EIF4E: variants seen among roughly 807,000 people sequenced by gnomAD.
EIF4E encodes the protein eukaryotic translation initiation factor 4E, also known as eIF-4F 25 kDa subunit.
For synonymous variants in EIF4E, 71 were observed against 88.5 expected (o/e 0.80, Z 1.11); for missense variants, 113 against 265.6 (o/e 0.43, Z 3.99).
chr4:98,898,518 G>T (rs1030235630), intron 2 of EIF4E, among the ~76,000 whole-genome samples: 11 of 151,118 alleles, frequency 7.3e-5, no homozygotes, highest in Non-Finnish European at 1.2e-4. Context: ...TGAGGCAGAA[G>T]AATCGCTTGA....
chr4:98,896,667 CAAAAAAAAAAAAAAAAAAA>C lies in EIF4E; in HGVS notation c.125+5190_125+5208del, dbSNP rs61329973. On this transcript the variant is annotated intron_variant, in intron 2 of 6. Transcript: ENST00000450253. Reference sequence around the variant, plus strand: ...CGACAGAATGGGACCATGTCTCTTCCAAAAAAAAAAAAAAAAAAAAAAAAAAAAAGCCAGGCATGTTGGT... The same window carrying C: ...CGACAGAATGGGACCATGTCTCTTCCAAAAAAAAAAGCCAGGCATGTTGGT... Among the ~76,000 whole-genome samples, 7 of 47,680 alleles carry C rather than the reference CAAAAAAAAAAAAAAAAAAA, an allele frequency of 1.5e-4. No homozygotes were observed. The Admixed American group carries it at 1.5e-3, about 11-fold the overall frequency. The allele number at this position is 47,680 out of a possible 152,430, so 31.3% of individuals were successfully genotyped here.
At chr4:98,893,530 G>C (rs1436201181) in intron 2 of EIF4E, among the ~76,000 whole-genome samples, 1 of 152,162 alleles carries the variant, frequency 6.6e-6, no homozygotes, top group Non-Finnish European at 1.5e-5. Context: ...ATCTTCACCA[G>C]GAATAGATTC....
intron 2 of EIF4E, among the ~76,000 whole-genome samples, chr4:98,894,859 G>A (rs754125309): frequency 2.0e-5 from 3 of 152,170 alleles, no homozygotes; most frequent in Non-Finnish European, 4.4e-5. Flanking sequence ...CCTCGTAAGC[G>A]TAATCATTTC....
chr4:98,898,581 A>G (rs1560641608), intron 2 of EIF4E, among the ~76,000 whole-genome samples: 1 of 152,078 alleles, frequency 6.6e-6, no homozygotes. Flanking sequence ...CCGAAAAAAA[A>G]AAAAACAGAT....
intron 6 of EIF4E, among the ~76,000 whole-genome samples, chr4:98,884,504 G>A (rs887644100): frequency 6.6e-6 from 1 of 152,150 alleles, no homozygotes; most frequent in Non-Finnish European, 1.5e-5. Context: ...AAAGTTAAAA[G>A]ACCAGCCTGG....
At chr4:98,916,499 C>T (rs1199390910) in intron 1 of EIF4E, among the ~76,000 whole-genome samples, 2 of 151,790 alleles carry the variant, frequency 1.3e-5, no homozygotes, top group Non-Finnish European at 2.9e-5. Flanking sequence ...ACATGAGTGG[C>T]CATATTAAAA....
At chr4:98,915,749 C>T (rs1170009731) in intron 1 of EIF4E, among the ~76,000 whole-genome samples, 3 of 150,702 alleles carry the variant, frequency 2.0e-5, no homozygotes, top group African/African-American at 7.3e-5. Context: ...GCCATGTTGG[C>T]CAGGCTGATC....
chr4:98,924,480 A>G (rs1348449301), intron 1 of EIF4E, among the ~76,000 whole-genome samples: 1 of 152,136 alleles, frequency 6.6e-6, no homozygotes, highest in Non-Finnish European at 1.5e-5. Context: ...CATTTTGCAT[A>G]TTATCCCTCT....
intron 2 of EIF4E, among the ~76,000 whole-genome samples, chr4:98,894,410 G>A (rs1052576204): frequency 6.6e-6 from 1 of 152,220 alleles, no homozygotes; most frequent in Non-Finnish European, 1.5e-5. Context: ...TGTTTTTAGT[G>A]TAAACTTCCT....
At chr4:98,915,433 T>C (rs1276381273) in intron 1 of EIF4E, among the ~76,000 whole-genome samples, 1 of 152,170 alleles carries the variant, frequency 6.6e-6, no homozygotes, top group Non-Finnish European at 1.5e-5. Context: ...ATAACAAAGT[T>C]ATATTAAAGC....
intron 6 of EIF4E, among the ~76,000 whole-genome samples, chr4:98,882,929 C>CAT (rs1340579795): frequency 1.3e-5 from 2 of 151,998 alleles, no homozygotes; most frequent in African/African-American, 4.8e-5. Flanking sequence ...TATGGAACCC[C>CAT]ATATAGCATG....
chr4:98,892,408 G>A (rs1202749887), intron 2 of EIF4E, among the ~76,000 whole-genome samples: 1 of 151,566 alleles, frequency 6.6e-6, no homozygotes, highest in Non-Finnish European at 1.5e-5. Flanking sequence ...GCCAGGCGCG[G>A]TGGCTCAAGC....
At chr4:98,920,615 G>T (rs1725599902) in intron 1 of EIF4E, among the ~76,000 whole-genome samples, 1 of 151,922 alleles carries the variant, frequency 6.6e-6, no homozygotes, top group Non-Finnish European at 1.5e-5. Context: ...AACACTCTAA[G>T]ATAGGGGCTA....
At chr4:98,923,618 T>G (rs1005371964) in intron 1 of EIF4E, among the ~76,000 whole-genome samples, 1 of 152,208 alleles carries the variant, frequency 6.6e-6, no homozygotes, top group South Asian at 2.1e-4. Context: ...GCCCCTTTCT[T>G]TTTCTGGAGA....
At chr4:98,888,015 A>G (rs1723994821) in intron 3 of EIF4E, 63 bp from the exon 4 acceptor site, 5 of 1,293,862 alleles carry the variant, frequency 3.9e-6, no homozygotes, top group Non-Finnish European at 5.5e-6. Context: ...AGGTGCTTAC[A>G]TATATATACA....
intron 1 of EIF4E, among the ~76,000 whole-genome samples, chr4:98,907,492 T>C (rs1351569303): frequency 6.6e-6 from 1 of 152,208 alleles, no homozygotes; most frequent in African/African-American, 2.4e-5. Flanking sequence ...GGCACATTTA[T>C]TCACATACCA....
At chr4:98,922,031 A>G (rs1725663551) in intron 1 of EIF4E, among the ~76,000 whole-genome samples, 1 of 152,198 alleles carries the variant, frequency 6.6e-6, no homozygotes, top group Non-Finnish European at 1.5e-5. Context: ...AAATGCCCAC[A>G]CGTTTTATTT....
chr4:98,888,359 G>A (rs1724010125), intron 3 of EIF4E, among the ~76,000 whole-genome samples: 1 of 151,980 alleles, frequency 6.6e-6, no homozygotes, highest in Non-Finnish European at 1.5e-5. Context: ...AACCAGAAAC[G>A]ATGAACTTCC....
At chr4:98,883,765 A>G (rs1316807827) in intron 6 of EIF4E, among the ~76,000 whole-genome samples, 1 of 152,038 alleles carries the variant, frequency 6.6e-6, no homozygotes, top group East Asian at 1.9e-4. Context: ...CAGCTGGTTT[A>G]GCATGGTGGC....
Sources: allele counts gnomAD v4.1 joint callset (sites outside exome capture counted in the v4.1 genomes callset), GRCh38; gene constraint gnomAD v4.1.1; transcripts MANE v1.5; gene names NCBI Gene and HGNC (gene_info 2026-07-23, HGNC 2026-07-21).